UBE4B: variants seen among roughly 807,000 people sequenced by gnomAD.
The protein encoded by UBE4B is ubiquitin conjugation factor E4 B.
In UBE4B, 27 loss-of-function variants were observed where a neutral mutation model predicts 148.1. The observed-to-expected ratio is 0.18, with a 90% CI of 0.13 to 0.25. The LOEUF (loss-of-function observed/expected upper bound fraction) is 0.25. Among genes scored for constraint, UBE4B ranks in the 10% least tolerant of loss-of-function variants. The pLI, the probability that UBE4B is intolerant of heterozygous loss-of-function variation, is 1.00. For missense variants in UBE4B, 1,170 were observed against 1,662.4 expected, an observed-to-expected ratio of 0.70 and a Z score of 5.15; for synonymous variants, 596 against 619.3, an observed-to-expected ratio of 0.96 and a Z score of 0.56.
chr1:10,036,137 C>A (rs1643524014), intron 1 of UBE4B, among the ~76,000 whole-genome samples: 1 of 146,948 alleles, frequency 6.8e-6, no homozygotes, highest in South Asian at 2.1e-4. Flanking sequence ...GAGGCTTTTG[C>A]ATACTTGAGT....
At chr1:10,116,204 A>G (rs1049503980) in intron 7 of UBE4B, among the ~76,000 whole-genome samples, 20 of 152,074 alleles carry the variant, frequency 1.3e-4, no homozygotes, top group Non-Finnish European at 7.4e-5. Flanking sequence ...GTGCAGTGGC[A>G]TGATCTCGGA....
chr1:10,138,261 C>G, intron 17 of UBE4B, among the ~76,000 whole-genome samples: 1 of 151,976 alleles, frequency 6.6e-6, no homozygotes, highest in East Asian at 1.9e-4. Flanking sequence ...CCACACCCAG[C>G]TAATTTTTTG....
At chr1:10,155,142 G>A (rs1185922606) in intron 21 of UBE4B, among the ~76,000 whole-genome samples, 57 of 151,820 alleles carry the variant, frequency 3.8e-4, no homozygotes, top group Admixed American at 3.7e-3. Flanking sequence ...ACAGAACTGG[G>A]CCTGTTGCCT....
chr1:10,111,814 A>G (rs1377483529), intron 7 of UBE4B, among the ~76,000 whole-genome samples: 1 of 152,130 alleles, frequency 6.6e-6, no homozygotes, highest in Non-Finnish European at 1.5e-5. Context: ...AAAATTAGCT[A>G]GGCATGATGG....
intron 2 of UBE4B, among the ~76,000 whole-genome samples, chr1:10,089,550 T>A (rs1204517605): frequency 1.3e-5 from 2 of 151,892 alleles, no homozygotes; most frequent in Non-Finnish European, 1.5e-5. Context: ...GTTAACCAAA[T>A]AAAGTGCAAG....
intron 18 of UBE4B, among the ~76,000 whole-genome samples, chr1:10,146,313 G>T (rs1239106283): frequency 6.6e-6 from 1 of 152,196 alleles, no homozygotes; most frequent in Non-Finnish European, 1.5e-5. Context: ...TTAACTGGGT[G>T]TGGTGGCACA....
intron 2 of UBE4B, among the ~76,000 whole-genome samples, chr1:10,076,516 T>C (rs981778420): frequency 3.9e-4 from 59 of 151,996 alleles, no homozygotes; most frequent in African/African-American, 1.4e-3. Flanking sequence ...AATGCTGAGA[T>C]TACACACGTG....
intron 1 of UBE4B, among the ~76,000 whole-genome samples, chr1:10,060,121 A>T (rs1451802525): frequency 6.6e-6 from 1 of 152,104 alleles, no homozygotes; most frequent in East Asian, 1.9e-4. Flanking sequence ...GGGTAGATGA[A>T]TGTAACCTAC....
chr1:10,139,093 T>A (rs539507989), intron 17 of UBE4B, among the ~76,000 whole-genome samples: 1 of 152,364 alleles, frequency 6.6e-6, no homozygotes, highest in South Asian at 2.1e-4. Flanking sequence ...AAGGTTATGC[T>A]GCCTTATAGA....
Position 10,137,459 on chromosome 1 carries a change from T to TC in UBE4B, c.2363+256dup, listed in dbSNP as rs772495937. On this transcript the variant is annotated intron_variant, in intron 17 of 27. Transcript: ENST00000343090. ...ACTCTGTTTATGGTTACTACAGACT[T>TC]CCATTAACTTTTCCCACTGGGCATA... Among the ~76,000 whole-genome samples, 60 of 152,264 alleles carry TC rather than the reference T, an allele frequency of 3.9e-4. 1 individual carries two copies. The highest frequency in any genetic ancestry group is 8.5e-4 in the Admixed American group (13 of 15,284).
chr1:10,108,798 G>T (rs960944200), intron 7 of UBE4B, among the ~76,000 whole-genome samples: 1 of 152,202 alleles, frequency 6.6e-6, no homozygotes, highest in African/African-American at 2.4e-5. Context: ...AGGTGAAAGT[G>T]TCTTTTTCAC....
At chr1:10,100,624 G>A (rs983174748) in intron 3 of UBE4B, among the ~76,000 whole-genome samples, 9 of 152,102 alleles carry the variant, frequency 5.9e-5, no homozygotes, top group African/African-American at 1.4e-4. Context: ...GTGCGATCTC[G>A]GCTTACCGCA....
rs539603249 is a variant in UBE4B, at chr1:10,037,378, T to G, written c.24+3684T>G. Among the ~76,000 whole-genome samples the G allele has an allele frequency of 2.4e-4, 36 of 152,296 alleles. 1 individual carries two copies. Among genetic ancestry groups the G allele is most frequent in the African/African-American group, 7.7e-4 (32 of 41,574 alleles). On this transcript the variant is annotated intron_variant, in intron 1 of 27. Transcript: ENST00000343090. ...TAACTTCACTGTTGTTTGTTATTTATATAGTGTATTACAGTGAGTTCATTG... is the reference window on the plus strand; with the variant it reads ...TAACTTCACTGTTGTTTGTTATTTAGATAGTGTATTACAGTGAGTTCATTG...
intron 7 of UBE4B, chr1:10,107,512 GT>G (rs1339582793): frequency 1.1e-6 from 1 of 874,714 alleles, no homozygotes; most frequent in East Asian, 8.2e-5. Flanking sequence ...ATATTGATGT[GT>G]TCAGACCTTC....
rs1245402151 is a variant in UBE4B at position 10,132,418 on chromosome 1, G to A, written c.1961G>A (p.Arg654His). ...LHSILLNGET[R>H]EAALSYMAAV... is the part of the protein sequence containing the mutation. Reference sequence around the variant, plus strand: ...AGTATTTTGTTAAATGGCGAAACCCGTGAGGCTGCTCTCAGTTACATGGCG... The same window carrying A: ...AGTATTTTGTTAAATGGCGAAACCCATGAGGCTGCTCTCAGTTACATGGCG... Residue 654 changes from arginine (R) to histidine (H), a missense_variant, in exon 15 of 28, where the codon CGT (arginine) becomes CAT (histidine). This residue lies in a region of UBE4B where 388 missense variants were observed against 536.0 expected (regional missense o/e 0.72). Transcript: ENST00000343090. 6.2e-7 allele frequency: 1 copy of A among 1,614,156 alleles called. No homozygotes were observed. The highest frequency in any genetic ancestry group is 8.5e-7 in the Non-Finnish European group (1 of 1,180,018).
At chr1:10,159,123 A>G (rs561422676) in intron 22 of UBE4B, among the ~76,000 whole-genome samples, 1 of 152,090 alleles carries the variant, frequency 6.6e-6, no homozygotes, top group Non-Finnish European at 1.5e-5. Context: ...TGTCAGAATG[A>G]GTGAAATGAA....
At chr1:10,053,542 T>G (rs1425814763) in intron 1 of UBE4B, among the ~76,000 whole-genome samples, 2 of 152,118 alleles carry the variant, frequency 1.3e-5, no homozygotes, top group African/African-American at 4.8e-5. Flanking sequence ...GTATATGGGC[T>G]GGATGTGTAA....
At chr1:10,120,103 TTTTTA>T (rs1394462178) in intron 9 of UBE4B, among the ~76,000 whole-genome samples, 3 of 152,238 alleles carry the variant, frequency 2.0e-5, no homozygotes, top group Admixed American at 6.5e-5. Context: ...CAAATTTTTG[TTTTTA>T]TTTTGTTTTT....
Position 10,035,276 on chromosome 1 carries a change from C to T in UBE4B, c.24+1582C>T, listed in dbSNP as rs1022137235. Among the ~76,000 whole-genome samples, 28 of 151,506 alleles carry T rather than the reference C, an allele frequency of 1.8e-4. No homozygotes were observed. In the East Asian group the frequency reaches 3.7e-3, roughly 20 times the overall value. ...CCTCCCAAAGTGCTGGGATTACAGG[C>T]GTGAGCCACCGCGCCTGGCCTGTTT... On this transcript the variant is annotated intron_variant, in intron 1 of 27. Coordinates refer to ENST00000343090, the MANE Select transcript of UBE4B (RefSeq NM_001105562.3).
Sources: allele counts gnomAD v4.1 joint callset (sites outside exome capture counted in the v4.1 genomes callset), GRCh38; gene constraint gnomAD v4.1.1; regional missense constraint gnomAD v4.1.1; transcripts MANE v1.5; gene names NCBI Gene and HGNC (gene_info 2026-07-23, HGNC 2026-07-21).